The following PCGF5 variants were observed in gnomAD, a reference collection of about 807,000 sequenced individuals.
The protein encoded by PCGF5 is polycomb group RING finger protein 5.
Under a neutral mutation model 44.3 loss-of-function variants are expected in PCGF5, and 9 were observed. That is an observed-to-expected ratio of 0.20 (90% confidence interval 0.12 to 0.35). The LOEUF is 0.35. Ranked by LOEUF, PCGF5 falls within the 10% of genes least tolerant of loss-of-function variation. PCGF5 has a pLI of 1.00. For missense variants in PCGF5, 146 were observed against 305.3 expected, an observed-to-expected ratio of 0.48 and a Z score of 3.89; for synonymous variants, 95 against 102.5, an observed-to-expected ratio of 0.93 and a Z score of 0.44.
At chr10:91,188,638 T>C (rs1843971006) in intron 1 of PCGF5, among the ~76,000 whole-genome samples, 1 of 152,178 alleles carries the variant, frequency 6.6e-6, no homozygotes, top group Non-Finnish European at 1.5e-5. Context: ...CCGCCTTCAT[T>C]TGGATTCTCA....
At chr10:91,250,094 C>G (rs557006254) in intron 5 of PCGF5, among the ~76,000 whole-genome samples, 1 of 151,948 alleles carries the variant, frequency 6.6e-6, no homozygotes, top group Non-Finnish European at 1.5e-5. Flanking sequence ...ATTGTTTCTC[C>G]CATTTTAAAG....
At chr10:91,237,067 C>T (rs1290053225) in intron 2 of PCGF5, among the ~76,000 whole-genome samples, 2 of 152,136 alleles carry the variant, frequency 1.3e-5, no homozygotes, top group Non-Finnish European at 2.9e-5. Flanking sequence ...TTGGTTTTAA[C>T]CACTAACTAG....
At chr10:91,213,414 T>C (rs564562231) in intron 1 of PCGF5, among the ~76,000 whole-genome samples, 1 of 152,148 alleles carries the variant, frequency 6.6e-6, no homozygotes, top group Non-Finnish European at 1.5e-5. Flanking sequence ...TGTCAGATAT[T>C]ATAAGTATGT....
intron 1 of PCGF5, among the ~76,000 whole-genome samples, chr10:91,163,299 G>T (rs1465558230): frequency 6.6e-5 from 10 of 151,108 alleles, no homozygotes; most frequent in Non-Finnish European, 1.5e-4. Context: ...GCGGCGCGCG[G>T]AAAGGGGCTG....
chr10:91,163,792 G>T (rs1030153833), intron 1 of PCGF5, among the ~76,000 whole-genome samples: 2 of 150,712 alleles, frequency 1.3e-5, no homozygotes, highest in Non-Finnish European at 3.0e-5. Context: ...CCACCTGTAC[G>T]CCCTCCGCGC....
intron 1 of PCGF5, among the ~76,000 whole-genome samples, chr10:91,166,538 C>A (rs1447206732): frequency 1.3e-5 from 2 of 152,078 alleles, no homozygotes; most frequent in Non-Finnish European, 2.9e-5. Context: ...AATTTTTATG[C>A]CTCCAGTTTT....
In PCGF5 at chr10:91,229,331, A is replaced by C. The variant is rs921791306; in HGVS notation, c.112+6348A>C. 2.0e-5 allele frequency among the ~76,000 whole-genome samples: 3 copies of C among 152,350 alleles called. No individual in the cohort carries two copies. The East Asian group carries it at 5.8e-4, about 29-fold the overall frequency. On this transcript the variant is annotated intron_variant, in intron 2 of 9. Coordinates refer to ENST00000336126, the MANE Select transcript of PCGF5 (RefSeq NM_032373.5). ...TAAAGTGGAATTTCAGGTGCTATAC[A>C]TGACAAATGCTATGAGTTAAAAACA... is the stretch of plus-strand genomic sequence containing the variant.
intron 8 of PCGF5, among the ~76,000 whole-genome samples, chr10:91,265,418 C>CTAAGATTATCTTTTGGACAT (rs1846027961): frequency 6.6e-6 from 1 of 151,954 alleles, no homozygotes; most frequent in African/African-American, 2.4e-5. Flanking sequence ...TAGATAACAT[C>CTAAGATTATCTTTTGGACAT]TAAGATTATC....
chr10:91,219,731 A>G (rs1288514616), upstream of PCGF5, among the ~76,000 whole-genome samples: 1 of 152,236 alleles, frequency 6.6e-6, no homozygotes, highest in Non-Finnish European at 1.5e-5. Flanking sequence ...ATTTTTAAAC[A>G]TGTCAAAGTT....
intron 1 of PCGF5, among the ~76,000 whole-genome samples, chr10:91,214,929 C>G (rs533009833): frequency 9.3e-4 from 141 of 152,286 alleles, no homozygotes; most frequent in African/African-American, 3.3e-3. Context: ...TACAGAAAGT[C>G]TTTCCTTTTC....
intron 1 of PCGF5, among the ~76,000 whole-genome samples, chr10:91,203,782 T>C (rs1201879748): frequency 6.6e-6 from 1 of 152,230 alleles, no homozygotes; most frequent in African/African-American, 2.4e-5. Flanking sequence ...ATAAATTTTA[T>C]AGATCCTTTA....
intron 1 of PCGF5, among the ~76,000 whole-genome samples, chr10:91,187,431 G>A (rs1003835475): frequency 2.6e-5 from 4 of 151,994 alleles, no homozygotes; most frequent in Non-Finnish European, 5.9e-5. Context: ...CCATAGAGAA[G>A]GGATTCCTCT....
chr10:91,228,532 A>G (rs965381186), intron 2 of PCGF5, among the ~76,000 whole-genome samples: 9 of 152,174 alleles, frequency 5.9e-5, no homozygotes, highest in African/African-American at 2.2e-4. Flanking sequence ...TAATTTTTTA[A>G]CTTCTACAAA....
chr10:91,212,822 A>G (rs1283784796), intron 1 of PCGF5, among the ~76,000 whole-genome samples: 2 of 152,274 alleles, frequency 1.3e-5, no homozygotes, highest in East Asian at 3.9e-4. Context: ...AGTTTAATTC[A>G]TCTATTGGGA....
the PCGF5 span, among the ~76,000 whole-genome samples, chr10:91,157,655 T>C: frequency 6.6e-6 from 1 of 152,272 alleles, no homozygotes; most frequent in East Asian, 1.9e-4. Context: ...GATCGCCCAT[T>C]TTAATCCTAA....
At chr10:91,185,234 A>G (rs559442135) in intron 1 of PCGF5, among the ~76,000 whole-genome samples, 3 of 152,302 alleles carry the variant, frequency 2.0e-5, no homozygotes, top group South Asian at 2.1e-4. Flanking sequence ...CTGGGTTGGG[A>G]GGTCCCACCC....
At chr10:91,214,959 A>G (rs995816731) in intron 1 of PCGF5, among the ~76,000 whole-genome samples, 9 of 152,232 alleles carry the variant, frequency 5.9e-5, no homozygotes, top group Non-Finnish European at 1.0e-4. Flanking sequence ...TGAGTGTTCT[A>G]CTTAAAATTT....
chr10:91,176,382 A>G (rs1843708471), intron 1 of PCGF5, among the ~76,000 whole-genome samples: 1 of 152,132 alleles, frequency 6.6e-6, no homozygotes, highest in Non-Finnish European at 1.5e-5. Context: ...TCTGACAATT[A>G]TGTGTCTTGG....
intron 1 of PCGF5, among the ~76,000 whole-genome samples, chr10:91,186,532 G>T (rs972597592): frequency 8.3e-6 from 1 of 120,764 alleles, no homozygotes. Flanking sequence ...ATATATATAT[G>T]TGTGTGTGTG....
Sources: allele counts gnomAD v4.1 joint callset (sites outside exome capture counted in the v4.1 genomes callset), GRCh38; gene constraint gnomAD v4.1.1; transcripts MANE v1.5; gene names NCBI Gene and HGNC (gene_info 2026-07-23, HGNC 2026-07-21).